The following SLAIN2 variants were observed in gnomAD, a reference collection of about 807,000 sequenced individuals.
The protein encoded by SLAIN2 is SLAIN family member 2, also known as SLAIN motif-containing protein 2.
A neutral mutation model predicts 56.6 loss-of-function variants in SLAIN2; 31 were observed. The ratio of observed to expected loss-of-function variants is 0.55; its 90% CI spans 0.41 to 0.74. The LOEUF is 0.74. Ranked by LOEUF, SLAIN2 falls within the 30% of genes least tolerant of loss-of-function variation. The pLI, the probability that SLAIN2 is intolerant of heterozygous loss-of-function variation, is 0.00. For synonymous variants in SLAIN2, 317 were observed against 284.9 expected (o/e 1.11, Z -1.13); for missense variants, 777 against 754.2 (o/e 1.03, Z -0.35).
rs1434572048 is a variant in SLAIN2, at chr4:48,425,846, C to T, written c.*3769C>T. The T allele has an allele frequency of 6.6e-6, 1 of 151,952 alleles. No homozygotes were observed. The highest frequency in any genetic ancestry group is 1.5e-5 in the Non-Finnish European group (1 of 67,980). The allele number at this position is 151,952 out of a possible 1,614,324, so 9.4% of individuals were successfully genotyped here. On this transcript the variant is annotated 3_prime_UTR_variant, in exon 8 of 8. Transcript: ENST00000264313. ...CTGCTTACCAGTCTGAAAATGAAAC[C>T]GATTATACTCATCGGCCTTATTTAC... is the stretch of plus-strand genomic sequence containing the variant.
intron 6 of SLAIN2, among the ~76,000 whole-genome samples, chr4:48,398,664 A>C (rs1716471262): frequency 6.6e-6 from 1 of 152,086 alleles, no homozygotes; most frequent in Non-Finnish European, 1.5e-5. Context: ...TCTTGAGTAA[A>C]TTTTTTATAA....
intron 2 of SLAIN2, among the ~76,000 whole-genome samples, chr4:48,375,416 T>C (rs1230055200): frequency 1.3e-5 from 2 of 152,206 alleles, no homozygotes; most frequent in African/African-American, 4.8e-5. Context: ...CTACTACCAG[T>C]AGGCAAACCA....
chr4:48,409,124 G>C (rs1005183060), intron 6 of SLAIN2, among the ~76,000 whole-genome samples: 1 of 152,110 alleles, frequency 6.6e-6, no homozygotes, highest in Non-Finnish European at 1.5e-5. Context: ...CAAGCAATGT[G>C]AAATAATAAC....
At chr4:48,366,123 C>T (rs954595508) in intron 1 of SLAIN2, among the ~76,000 whole-genome samples, 12 of 152,178 alleles carry the variant, frequency 7.9e-5, no homozygotes, top group African/African-American at 2.7e-4. Flanking sequence ...GAATTTACTA[C>T]ATTGCTTTCT....
chr4:48,391,090 A>G (rs1716226306), intron 6 of SLAIN2, among the ~76,000 whole-genome samples: 1 of 152,242 alleles, frequency 6.6e-6, no homozygotes, highest in African/African-American at 2.4e-5. Context: ...TCAAAATCGC[A>G]TATAATGACA....
intron 6 of SLAIN2, among the ~76,000 whole-genome samples, chr4:48,395,809 G>GTTTTTTTTTTTTTTT (rs765232563): frequency 3.7e-5 from 1 of 26,950 alleles, no homozygotes; most frequent in African/African-American, 3.8e-4. Flanking sequence ...GGAACCTTAG[G>GTTTTTTTTTTTTTTT]CTTTTTTTTT....
chr4:48,358,142 T>A (rs1354760871), intron 1 of SLAIN2, among the ~76,000 whole-genome samples: 1 of 152,236 alleles, frequency 6.6e-6, no homozygotes, highest in Non-Finnish European at 1.5e-5. Flanking sequence ...ACAAGTTACT[T>A]ACCTCACTTG....
intron 6 of SLAIN2, among the ~76,000 whole-genome samples, chr4:48,412,034 A>G (rs544877931): frequency 7.9e-5 from 12 of 152,264 alleles, no homozygotes; most frequent in African/African-American, 2.6e-4. Flanking sequence ...AATTACACCA[A>G]TGCCGGTACC....
At chr4:48,408,090 A>G (rs532716168) in intron 6 of SLAIN2, among the ~76,000 whole-genome samples, 15 of 152,280 alleles carry the variant, frequency 9.9e-5, no homozygotes, top group African/African-American at 3.4e-4. Context: ...TAATGCCAGC[A>G]CTTTGGGCGG....
At chr4:48,366,403 G>A (rs777072114) in intron 1 of SLAIN2, among the ~76,000 whole-genome samples, 7 of 151,968 alleles carry the variant, frequency 4.6e-5, no homozygotes, top group Non-Finnish European at 8.8e-5. Flanking sequence ...ATTAAGAGTC[G>A]GCTATTGAAA....
intron 6 of SLAIN2, among the ~76,000 whole-genome samples, chr4:48,389,935 G>A (rs751598643): frequency 5.3e-5 from 8 of 152,136 alleles, no homozygotes; most frequent in Non-Finnish European, 8.8e-5. Context: ...TCTGATATCA[G>A]TGTGGAGAAA....
intron 1 of SLAIN2, among the ~76,000 whole-genome samples, chr4:48,356,043 AG>A (rs1342192837): frequency 6.6e-6 from 1 of 152,172 alleles, no homozygotes; most frequent in Non-Finnish European, 1.5e-5. Context: ...CTTTATCAAC[AG>A]TATGAAAAAG....
chr4:48,384,145 C>T lies in SLAIN2; in HGVS notation c.1360+361C>T, dbSNP rs1488984893. On this transcript the variant is annotated intron_variant, in intron 6 of 7. Coordinates refer to ENST00000264313, the MANE Select transcript of SLAIN2 (RefSeq NM_020846.2). ...ATCCAAAAATATATGTCCCTTAGTA[C>T]GTAAATTTTCTTTAATAACCTCCAC... Among the ~76,000 whole-genome samples the T allele has an allele frequency of 3.9e-5, 6 of 152,172 alleles. No homozygotes were observed. The East Asian group carries it at 7.7e-4, about 20-fold the overall frequency.
chr4:48,396,546 T>A (rs1360530031), intron 6 of SLAIN2, among the ~76,000 whole-genome samples: 1 of 152,128 alleles, frequency 6.6e-6, no homozygotes, highest in Non-Finnish European at 1.5e-5. Context: ...TATCGAGACA[T>A]TAAAGGGAGG....
At position 48,345,642 on chromosome 4, in the gene SLAIN2, A is replaced by AT. The variant is rs1023717725; in HGVS notation, c.389+3524dup. Among the ~76,000 whole-genome samples the AT allele has an allele frequency of 2.0e-3, 303 of 148,138 alleles. 2 individuals are homozygous for AT. The highest frequency in any genetic ancestry group is 7.0e-3 in the African/African-American group (285 of 40,510). On this transcript the variant is annotated intron_variant, in intron 1 of 7. Coordinates refer to ENST00000264313, the MANE Select transcript of SLAIN2 (RefSeq NM_020846.2). ...TCCTAACCTAGTTTTTGTGTAACGGATTTTTTTTTTAGCTTAAATATAAAG... is the reference window on the plus strand; with the variant it reads ...TCCTAACCTAGTTTTTGTGTAACGGATTTTTTTTTTTAGCTTAAATATAAAG...
At chr4:48,400,118 A>G (rs550163886) in intron 6 of SLAIN2, among the ~76,000 whole-genome samples, 2 of 152,198 alleles carry the variant, frequency 1.3e-5, no homozygotes, top group South Asian at 4.1e-4. Context: ...TTCAGCTGTG[A>G]ATCTGTCTGG....
At chr4:48,421,988 A>T in intron 7 of SLAIN2, 23 bp from the exon 8 acceptor site, 1 of 1,562,716 alleles carries the variant, frequency 6.4e-7, no homozygotes, top group Middle Eastern at 1.7e-4. Context: ...TCAAATTTTA[A>T]TTACAAAATT....
intron 6 of SLAIN2, among the ~76,000 whole-genome samples, chr4:48,403,943 G>GAAGCGTGGTTT: frequency 6.6e-6 from 1 of 152,314 alleles, no homozygotes; most frequent in Admixed American, 6.5e-5. Flanking sequence ...ATCCGTGGGA[G>GAAGCGTGGTTT]AAGCGTGGTT....
rs1018227247 is a variant in SLAIN2 at position 48,342,084 on chromosome 4, C to G, written c.345C>G (p.Asp115Glu). The G allele has an allele frequency of 2.9e-6, 4 of 1,365,724 alleles. No individual in the cohort carries two copies. The highest frequency in any genetic ancestry group is 2.8e-6 in the Non-Finnish European group (3 of 1,066,348). The allele number at this position is 1,365,724 out of a possible 1,614,324, so 84.6% of individuals were successfully genotyped here. ...LLDEVEPLRP[D>E]ELERLSGWEE... The stretch of plus-strand genomic sequence containing the variant: ...ACGAGGTGGAGCCGCTGCGGCCCGA[C>G]GAGCTGGAGCGCCTGTCAGGCTGGG... Residue 115 changes from aspartate to glutamate, a missense_variant, in exon 1 of 8, where the codon GAC (aspartate) becomes GAG (glutamate). By Grantham distance (45) the Asp-to-Glu change is conservative. Coordinates refer to ENST00000264313, the MANE Select transcript of SLAIN2 (RefSeq NM_020846.2).
Sources: allele counts gnomAD v4.1 joint callset (sites outside exome capture counted in the v4.1 genomes callset), GRCh38; gene constraint gnomAD v4.1.1; transcripts MANE v1.5; gene names NCBI Gene and HGNC (gene_info 2026-07-23, HGNC 2026-07-21).